Variants in CTXND2 observed in about 807,000 individuals in gnomAD.
CTXND2 encodes the protein cortexin domain containing 2.
intron 1 of CTXND2, among the ~76,000 whole-genome samples, chr1:150,908,406 A>G (rs1669190944): frequency 6.6e-6 from 1 of 152,092 alleles, no homozygotes; most frequent in African/African-American, 2.4e-5. Flanking sequence ...GGTTTCAATT[A>G]CTTTCTACCT....
intron 1 of CTXND2, among the ~76,000 whole-genome samples, chr1:150,900,704 T>C (rs1669002562): frequency 2.0e-5 from 3 of 151,978 alleles, no homozygotes; most frequent in Admixed American, 2.0e-4. Context: ...CAATATATAT[T>C]ATATATGAAG....
At chr1:150,908,152 G>A (rs919002499) in intron 1 of CTXND2, among the ~76,000 whole-genome samples, 6 of 151,834 alleles carry the variant, frequency 4.0e-5, no homozygotes, top group South Asian at 2.1e-4. Context: ...ACAGGTGTGC[G>A]CCATCACATC....
intron 1 of CTXND2, among the ~76,000 whole-genome samples, chr1:150,893,743 G>A (rs1254502946): frequency 1.3e-5 from 2 of 151,976 alleles, no homozygotes; most frequent in African/African-American, 4.8e-5. Flanking sequence ...ACAGGTATGA[G>A]CCACCATACC....
intron 1 of CTXND2, among the ~76,000 whole-genome samples, chr1:150,900,879 C>T (rs1280571391): frequency 6.6e-6 from 1 of 152,156 alleles, no homozygotes; most frequent in African/African-American, 2.4e-5. Flanking sequence ...CGCCTGTAAT[C>T]CAAAGTGGGA....
rs144900120 is a variant in CTXND2 at position 150,897,056 on chromosome 1, C to T, written c.-74+9743C>T. Among the ~76,000 whole-genome samples the T allele has an allele frequency of 5.9e-5, 9 of 152,058 alleles. No homozygotes were observed. The East Asian group carries it at 1.7e-3, about 29-fold the overall frequency. On this transcript the variant is annotated intron_variant, in intron 1 of 1. Transcript: ENST00000636087. Reference sequence around the variant, plus strand: ...TGGAACTGTGAGAAGCCCACTATTGCCAGGTTAGAAAGTACAAGGGACAGA... The same window carrying T: ...TGGAACTGTGAGAAGCCCACTATTGTCAGGTTAGAAAGTACAAGGGACAGA...
At chr1:150,905,244 A>G (rs1470079024) in intron 1 of CTXND2, among the ~76,000 whole-genome samples, 2 of 151,526 alleles carry the variant, frequency 1.3e-5, no homozygotes, top group African/African-American at 4.9e-5. Context: ...CCCGGATTCA[A>G]GTCATTCTCC....
intron 1 of CTXND2, among the ~76,000 whole-genome samples, chr1:150,902,323 C>T (rs1050330088): frequency 6.6e-6 from 1 of 151,850 alleles, no homozygotes; most frequent in African/African-American, 2.4e-5. Context: ...AGGAGAATGG[C>T]ATGAACCCGG....
chr1:150,907,362 C>T (rs986133562), intron 1 of CTXND2, among the ~76,000 whole-genome samples: 1 of 152,202 alleles, frequency 6.6e-6, no homozygotes, highest in Non-Finnish European at 1.5e-5. Context: ...TAAGCAACCA[C>T]TAATCTGTCT....
rs116502714 is a variant in CTXND2 at position 150,889,133 on chromosome 1, G to C, written c.-74+1820G>C. ...CCTTAAAATATCTGCCACTCCTCTG[G>C]GTGCAGTGGCTCACGCCTGTAATCC... On this transcript the variant is annotated intron_variant, in intron 1 of 1. Transcript: ENST00000636087. Among the ~76,000 whole-genome samples, 739 of 152,044 alleles carry C rather than the reference G, an allele frequency of 4.9e-3. 12 individuals are homozygous for C. Among genetic ancestry groups the C allele is most frequent in the Non-Finnish European group, 7.5e-3 (508 of 67,946 alleles).
chr1:150,888,923 C>T (rs753456900), intron 1 of CTXND2, among the ~76,000 whole-genome samples: 23 of 151,750 alleles, frequency 1.5e-4, no homozygotes, highest in African/African-American at 3.4e-4. Flanking sequence ...AGACTGGTCT[C>T]GAATTCCTGG....
intron 1 of CTXND2, among the ~76,000 whole-genome samples, chr1:150,888,772 C>T (rs138991487): frequency 1.3e-5 from 2 of 152,024 alleles, no homozygotes; most frequent in Admixed American, 1.3e-4. Context: ...CTTACTGCAT[C>T]CTTGACCTCC....
chr1:150,905,062 C>CCA (rs58415621), intron 1 of CTXND2, among the ~76,000 whole-genome samples: 28,689 of 130,464 alleles, frequency 0.22, 3,068 homozygotes, highest in Non-Finnish European at 0.25. Context: ...AAAAAGAAAA[C>CCA]CACACACACA....
At chr1:150,901,032 A>G (rs1037223999) in intron 1 of CTXND2, among the ~76,000 whole-genome samples, 9 of 152,116 alleles carry the variant, frequency 5.9e-5, no homozygotes, top group Admixed American at 1.3e-4. Flanking sequence ...GGATCCCTTG[A>G]GCCCAGGAGG....
chr1:150,891,860 C>T (rs1668855521), intron 1 of CTXND2, among the ~76,000 whole-genome samples: 1 of 152,172 alleles, frequency 6.6e-6, no homozygotes, highest in Non-Finnish European at 1.5e-5. Flanking sequence ...GTAAAATCTC[C>T]CTTGATTCTT....
intron 1 of CTXND2, among the ~76,000 whole-genome samples, chr1:150,894,272 G>A (rs1005253857): frequency 6.6e-5 from 10 of 152,110 alleles, no homozygotes; most frequent in Non-Finnish European, 1.0e-4. Context: ...ACAGAAGTAG[G>A]ATTCTTAGTT....
At chr1:150,893,109 AC>A (rs1398659555) in intron 1 of CTXND2, among the ~76,000 whole-genome samples, 1 of 152,114 alleles carries the variant, frequency 6.6e-6, no homozygotes, top group Non-Finnish European at 1.5e-5. Context: ...TAAATATCTT[AC>A]GTATTTTTAA....
intron 1 of CTXND2, 150 bp from the exon 2 acceptor site, chr1:150,912,092 A>G (rs991064354): frequency 1.2e-4 from 45 of 364,256 alleles, no homozygotes; most frequent in Non-Finnish European, 1.9e-4. Flanking sequence ...TCAGTCATCT[A>G]TATTAACTTT....
chr1:150,890,703 A>G lies in CTXND2; in HGVS notation c.-74+3390A>G, dbSNP rs1397363692. On this transcript the variant is annotated intron_variant, in intron 1 of 1. Transcript: ENST00000636087. ...TTTTTAGTAGAGACGGGGTTTCTCC[A>G]TGTTGGTTAGACTGGTCTTGAACTC... Among the ~76,000 whole-genome samples the G allele has an allele frequency of 3.3e-5, 5 of 152,038 alleles. No homozygotes were observed. In the East Asian group the frequency reaches 9.7e-4, roughly 29 times the overall value.
At chr1:150,910,577 C>T (rs1669237610) in intron 1 of CTXND2, among the ~76,000 whole-genome samples, 1 of 151,830 alleles carries the variant, frequency 6.6e-6, no homozygotes, top group African/African-American at 2.4e-5. Flanking sequence ...TTCTTGGTAC[C>T]CTAGTTTAAA....
Sources: gnomAD v4.1 joint callset for allele counts (sites outside exome capture counted in the v4.1 genomes callset) on GRCh38, gnomAD v4.1.1 for gene constraint, MANE v1.5 for transcripts, NCBI Gene and HGNC (gene_info 2026-07-23, HGNC 2026-07-21) for gene names.